The following PTPRN2 variants were observed in gnomAD, a reference collection of about 807,000 sequenced individuals.
PTPRN2 encodes protein tyrosine phosphatase receptor type N2, also known as receptor-type tyrosine-protein phosphatase N2.
Under a neutral mutation model 118.8 loss-of-function variants are expected in PTPRN2, and 74 were observed. That is an observed-to-expected ratio of 0.62 (90% CI 0.52 to 0.76). The LOEUF (loss-of-function observed/expected upper bound fraction) is 0.76. PTPRN2 is among the 30% of genes least tolerant of loss of function. The pLI is 0.00. For missense variants in PTPRN2, 1,481 were observed against 1,394.4 expected (o/e 1.06, Z -0.99); for synonymous variants, 641 against 608.0 (o/e 1.05, Z -0.80).
intron 11 of PTPRN2, among the ~76,000 whole-genome samples, chr7:157,928,762 T>G (rs1799178372): frequency 3.8e-5 from 5 of 132,068 alleles, no homozygotes; most frequent in Admixed American, 7.8e-5. Flanking sequence ...GAGATAGGGA[T>G]GGGAGAGAGA....
intron 1 of PTPRN2, among the ~76,000 whole-genome samples, chr7:158,562,080 A>C (rs1321764284): frequency 6.6e-6 from 1 of 152,210 alleles, no homozygotes; most frequent in Non-Finnish European, 1.5e-5. Flanking sequence ...CTGTCAGGAA[A>C]TGTCTTAGCT....
chr7:158,516,067 G>C (rs1234189110), intron 1 of PTPRN2, among the ~76,000 whole-genome samples: 7 of 152,114 alleles, frequency 4.6e-5, no homozygotes, highest in Non-Finnish European at 4.4e-5. Context: ...AGCCTCTCTG[G>C]GCTTCTCCCC....
At chr7:157,564,488 TA>T (rs1799384309) in intron 21 of PTPRN2, among the ~76,000 whole-genome samples, 1 of 151,886 alleles carries the variant, frequency 6.6e-6, no homozygotes, top group African/African-American at 2.4e-5. Context: ...ATCAAAAGAG[TA>T]AAAAACCCCG....
chr7:157,898,393 C>T (rs1011130717), intron 12 of PTPRN2, among the ~76,000 whole-genome samples: 1 of 152,216 alleles, frequency 6.6e-6, no homozygotes, highest in African/African-American at 2.4e-5. Context: ...CACCTATTTT[C>T]TGAAGGCTTC....
intron 19 of PTPRN2, 74 bp downstream of exon 19, chr7:157,576,539 G>T: frequency 1.4e-6 from 2 of 1,395,410 alleles, no homozygotes; most frequent in Admixed American, 5.2e-5. Context: ...GGGCGTCTCA[G>T]GAGCACCGAA....
At position 158,509,229 on chromosome 7, in the gene PTPRN2, C is replaced by T. The variant is rs1464465276; in HGVS notation, c.113-19444G>A. ...CAGGCTGCAGCTCACAGGGTCCTTG[C>T]TCAAAGGCGGCAGCAAATGCACCAT... On this transcript the variant is annotated intron_variant, in intron 1 of 22. Coordinates refer to ENST00000389418, the MANE Select transcript of PTPRN2 (RefSeq NM_002847.5). This position sits in a 1 kb window ranked among gnomAD's most constrained non-coding sequence, Gnocchi z 4.4. Among the ~76,000 whole-genome samples the T allele has an allele frequency of 1.3e-5, 2 of 152,182 alleles. No homozygotes were observed. Among genetic ancestry groups the T allele is most frequent in the African/African-American group, 4.8e-5 (2 of 41,422 alleles).
Position 158,540,730 on chromosome 7 carries a change from C to T in PTPRN2, c.112+46828G>A, listed in dbSNP as rs542532117. Reference sequence around the variant, plus strand: ...TGGAGGAAGCTCTAACACCTCCCACCGCCAAGGTCTCTTCTGCCCTTAAAA... The same window carrying T: ...TGGAGGAAGCTCTAACACCTCCCACTGCCAAGGTCTCTTCTGCCCTTAAAA... On this transcript the variant is annotated intron_variant, in intron 1 of 22. Transcript: ENST00000389418. 5.9e-5 allele frequency among the ~76,000 whole-genome samples: 9 copies of T among 152,348 alleles called. 1 individual carries two copies. The highest frequency in any genetic ancestry group is 3.9e-4 in the Admixed American group (6 of 15,306).
chr7:158,219,914 C>T (rs1039769260), intron 3 of PTPRN2, among the ~76,000 whole-genome samples: 1 of 151,610 alleles, frequency 6.6e-6, no homozygotes, highest in East Asian at 1.9e-4. Flanking sequence ...AAGCCCGGAA[C>T]CAGACAAATT....
At chr7:158,294,697 T>C (rs961115143) in intron 3 of PTPRN2, among the ~76,000 whole-genome samples, 1 of 152,082 alleles carries the variant, frequency 6.6e-6, no homozygotes, top group Non-Finnish European at 1.5e-5. Context: ...AGGAAAGACA[T>C]CCAGCCACAA....
intron 11 of PTPRN2, among the ~76,000 whole-genome samples, chr7:157,970,142 C>T (rs573733276): frequency 1.4e-3 from 214 of 152,272 alleles, no homozygotes; most frequent in Non-Finnish European, 2.5e-3. Flanking sequence ...GCTCTACCAG[C>T]TCAGTTTTGT....
intron 13 of PTPRN2, among the ~76,000 whole-genome samples, chr7:157,665,870 A>C (rs1160272161): frequency 4.6e-5 from 7 of 152,240 alleles, no homozygotes; most frequent in African/African-American, 7.2e-5. Flanking sequence ...CATTCTCAGC[A>C]AAATATCACA....
intron 5 of PTPRN2, among the ~76,000 whole-genome samples, chr7:158,167,859 T>C (rs973953814): frequency 1.3e-5 from 2 of 152,278 alleles, no homozygotes; most frequent in Non-Finnish European, 1.5e-5. Context: ...TTCAGCCAAG[T>C]ACTATCCCAC....
chr7:158,108,567 C>A (rs1439246454), intron 10 of PTPRN2, among the ~76,000 whole-genome samples: 1 of 152,186 alleles, frequency 6.6e-6, no homozygotes, highest in African/African-American at 2.4e-5. Context: ...TTTCCTTGAA[C>A]CTGCTCATTG....
intron 6 of PTPRN2, 61 bp downstream of exon 6, chr7:158,166,870 C>G: frequency 7.1e-7 from 1 of 1,399,612 alleles, no homozygotes; most frequent in South Asian, 1.8e-5. Context: ...GCGTCTGTCA[C>G]TGGGAGGGGC....
At position 157,929,480 on chromosome 7, in the gene PTPRN2, G is replaced by A. The variant is rs1563248070; in HGVS notation, c.1724-30743C>T. On this transcript the variant is annotated intron_variant, in intron 11 of 22. Coordinates refer to ENST00000389418, the MANE Select transcript of PTPRN2 (RefSeq NM_002847.5). This position sits in a 1 kb window ranked among gnomAD's most constrained non-coding sequence, Gnocchi z 4.4. ...TCGTTTCCCATGCTTAAGCTCAGAC[G>A]CCCACCCAGCACAGCCTCCGCCGCA... Among the ~76,000 whole-genome samples, 1 of 152,086 alleles carries A rather than the reference G, an allele frequency of 6.6e-6. No individual in the cohort carries two copies.
intron 2 of PTPRN2, among the ~76,000 whole-genome samples, chr7:158,357,719 T>C (rs1808499355): frequency 6.6e-6 from 1 of 152,122 alleles, no homozygotes; most frequent in South Asian, 2.1e-4. Flanking sequence ...TTATGTCCCG[T>C]AAGGTTCCAG....
chr7:158,190,048 C>A (rs1585793814), intron 5 of PTPRN2, among the ~76,000 whole-genome samples: 1 of 152,244 alleles, frequency 6.6e-6, no homozygotes, highest in Admixed American at 6.5e-5. Context: ...CTCCACTGAG[C>A]CTGGTTCAGA....
At chr7:158,038,262 T>C (rs1463821944) in intron 11 of PTPRN2, among the ~76,000 whole-genome samples, 6 of 152,192 alleles carry the variant, frequency 3.9e-5, no homozygotes, top group Non-Finnish European at 8.8e-5. Context: ...ACATGGGGAC[T>C]GGATAGACAA....
At chr7:157,821,182 G>A (rs1001430816) in intron 12 of PTPRN2, among the ~76,000 whole-genome samples, 1 of 152,228 alleles carries the variant, frequency 6.6e-6, no homozygotes, top group East Asian at 1.9e-4. Context: ...GTGGAAGAAG[G>A]CAACTCACCT....
Sources: gnomAD v4.1 joint callset for allele counts (sites outside exome capture counted in the v4.1 genomes callset) on GRCh38, gnomAD v4.1.1 for gene constraint, Gnocchi (gnomAD v3.1) non-coding constraint, MANE v1.5 for transcripts, NCBI Gene and HGNC (gene_info 2026-07-23, HGNC 2026-07-21) for gene names.